LEKR1: variants seen among roughly 807,000 people sequenced by gnomAD.
LEKR1 encodes leucine, glutamate and lysine rich 1, also known as protein LEKR1.
In LEKR1, 59 loss-of-function variants were observed where a neutral mutation model predicts 72.4. The observed-to-expected ratio is 0.82, with a 90% CI of 0.66 to 1.01. The LOEUF is 1.01. Among genes scored for constraint, LEKR1 ranks in the 50% least tolerant of loss-of-function variants. The pLI, the probability that LEKR1 is intolerant of heterozygous loss-of-function variation, is 0.00. For missense variants in LEKR1, 728 were observed against 759.2 expected (o/e 0.96, Z 0.48); for synonymous variants, 257 against 263.2 (o/e 0.98, Z 0.23).
At chr3:157,001,178 G>A (rs77675180) in intron 9 of LEKR1, among the ~76,000 whole-genome samples, 7,812 of 152,212 alleles carry the variant, frequency 0.051, 231 homozygotes, top group African/African-American at 0.075. Context: ...TAATCTGTTA[G>A]TTTAAAGCAT....
rs188959703 is a variant in LEKR1, at chr3:157,019,036, T to C, written c.1204-5724T>C. On this transcript the variant is annotated intron_variant, in intron 10 of 12. Coordinates refer to ENST00000356539, the MANE Select transcript of LEKR1 (RefSeq NM_001004316.3). ...TTCAGTAGCTATTTCAGAAATAATC[T>C]AAAGTACTGTAATAATTTGCAATCA... Among the ~76,000 whole-genome samples the C allele has an allele frequency of 3.3e-4, 50 of 152,346 alleles. 1 individual carries two copies. Among genetic ancestry groups the C allele is most frequent in the African/African-American group, 1.2e-3 (48 of 41,598 alleles).
intron 3 of LEKR1, among the ~76,000 whole-genome samples, chr3:156,914,565 G>A (rs939190695): frequency 6.6e-6 from 1 of 152,080 alleles, no homozygotes; most frequent in Non-Finnish European, 1.5e-5. Flanking sequence ...GTTTATCATT[G>A]ATGGGCATTT....
chr3:156,980,769 A>T (rs2108000095), intron 7 of LEKR1, among the ~76,000 whole-genome samples: 1 of 152,330 alleles, frequency 6.6e-6, no homozygotes, highest in African/African-American at 2.4e-5. Context: ...TGGGCATACC[A>T]AGACTTAGCA....
chr3:156,904,975 A>G (rs1383259299), intron 3 of LEKR1, among the ~76,000 whole-genome samples: 3 of 152,194 alleles, frequency 2.0e-5, no homozygotes, highest in African/African-American at 7.2e-5. Flanking sequence ...CAAAGACCAA[A>G]TAGAGCTCAA....
At chr3:156,940,745 G>A (rs766638308) in intron 5 of LEKR1, among the ~76,000 whole-genome samples, 2 of 152,038 alleles carry the variant, frequency 1.3e-5, no homozygotes, top group African/African-American at 2.4e-5. Context: ...AATTTGTATT[G>A]CAGATTTTTA....
At chr3:156,843,226 A>C (rs1714159730) in intron 2 of LEKR1, among the ~76,000 whole-genome samples, 1 of 152,194 alleles carries the variant, frequency 6.6e-6, no homozygotes, top group African/African-American at 2.4e-5. Context: ...TCTTCCCCTC[A>C]TGAATGTCAA....
At chr3:156,831,617 G>T (rs1712413851) in intron 2 of LEKR1, among the ~76,000 whole-genome samples, 1 of 152,272 alleles carries the variant, frequency 6.6e-6, no homozygotes, top group South Asian at 2.1e-4. Flanking sequence ...AAGAACAAGG[G>T]ATGTCTTACA....
chr3:156,904,899 A>T (rs1722389787), intron 3 of LEKR1, among the ~76,000 whole-genome samples: 1 of 152,102 alleles, frequency 6.6e-6, no homozygotes, highest in African/African-American at 2.4e-5. Flanking sequence ...ATATTCAGTC[A>T]AAGGAAGATC....
chr3:156,829,882 C>G (rs565181335), intron 2 of LEKR1, among the ~76,000 whole-genome samples: 3 of 151,990 alleles, frequency 2.0e-5, no homozygotes, highest in African/African-American at 7.2e-5. Context: ...AACTCACAGG[C>G]GAACCAAGTA....
chr3:156,951,935 T>C (rs1448289571), intron 6 of LEKR1, among the ~76,000 whole-genome samples: 1 of 151,514 alleles, frequency 6.6e-6, no homozygotes, highest in Non-Finnish European at 1.5e-5. Flanking sequence ...AATTGTGAGA[T>C]TCTAATGCTT....
chr3:157,039,040 G>T (rs1321383708), intron 12 of LEKR1, among the ~76,000 whole-genome samples: 1 of 151,984 alleles, frequency 6.6e-6, no homozygotes. Flanking sequence ...ATTGTTTATT[G>T]CCCAACAATC....
At position 156,979,282 on chromosome 3, in the gene LEKR1, T is replaced by G. The variant is rs1358069846; in HGVS notation, c.827+7T>G. 4 of 1,243,856 alleles carry G rather than the reference T, an allele frequency of 3.2e-6. No individual in the cohort carries two copies. The Admixed American group carries it at 9.2e-5, about 29-fold the overall frequency. 77.1% of individuals were successfully genotyped at this position (1,243,856 alleles called of 1,614,324 possible). A position where few individuals can be genotyped will look rare whatever the true frequency, so the allele number is the denominator to read the frequency against. On this transcript the variant is annotated splice_region_variant and intron_variant, in intron 7 of 12. Coordinates refer to ENST00000356539, the MANE Select transcript of LEKR1 (RefSeq NM_001004316.3). ...ACTATAAAGAAATGCTTATGTAAGA[T>G]GGAGAATATTAAACAACTTATAACA...
chr3:156,947,293 G>T (rs926431205), intron 6 of LEKR1, among the ~76,000 whole-genome samples: 1 of 150,870 alleles, frequency 6.6e-6, no homozygotes, highest in Non-Finnish European at 1.5e-5. Context: ...TTGCTATGTT[G>T]GTGCAAGATA....
At chr3:157,022,498 G>C (rs954563876) in intron 10 of LEKR1, among the ~76,000 whole-genome samples, 2 of 152,084 alleles carry the variant, frequency 1.3e-5, no homozygotes, top group African/African-American at 4.8e-5. Flanking sequence ...AAATGAATAG[G>C]ATTTTGTGTT....
Position 156,881,150 on chromosome 3 carries a change from G to C in LEKR1, c.263+28168G>C, listed in dbSNP as rs576915140. ...ACATAGTGTTGGAAGTTCTAGCCAG[G>C]GCAATTAGGCAGGAGAAGGAAATAA... On this transcript the variant is annotated intron_variant, in intron 3 of 12. Transcript: ENST00000356539. 2.0e-5 allele frequency among the ~76,000 whole-genome samples: 3 copies of C among 152,208 alleles called. No homozygotes were observed. The East Asian group carries it at 5.8e-4, about 29-fold the overall frequency.
In LEKR1 at chr3:156,992,700, T is replaced by C. The variant is rs974663117; in HGVS notation, c.875T>C (p.Leu292Pro). 8.6e-6 allele frequency: 9 copies of C among 1,046,080 alleles called. No individual in the cohort carries two copies. The highest frequency in any genetic ancestry group is 1.1e-5 in the Non-Finnish European group (9 of 830,068). The allele number at this position is 1,046,080 out of a possible 1,614,324, so 64.8% of individuals were successfully genotyped here. A position where few individuals can be genotyped will look rare whatever the true frequency, so the allele number is the denominator to read the frequency against. ...ADDCQRELKK[L>P]KFESIISESQ... The stretch of plus-strand genomic sequence containing the variant: ...GACTGTCAAAGAGAACTTAAAAAAC[T>C]GAAGTTTGAATCCATTATTTCTGAG... The change falls in exon 8 of 13, where the codon CTG (leucine) becomes CCG (proline). Residue 292 changes from leucine to proline, a missense_variant. By Grantham distance (98) the Leu-to-Pro change is moderately conservative. Coordinates refer to ENST00000356539, the MANE Select transcript of LEKR1 (RefSeq NM_001004316.3).
At chr3:156,896,390 G>A (rs564030114) in intron 3 of LEKR1, among the ~76,000 whole-genome samples, 2 of 152,144 alleles carry the variant, frequency 1.3e-5, no homozygotes, top group African/African-American at 4.8e-5. Flanking sequence ...ATGGGCAAAC[G>A]ACATTAACAG....
chr3:156,836,853 C>T (rs1287332899), intron 2 of LEKR1, among the ~76,000 whole-genome samples: 1 of 152,148 alleles, frequency 6.6e-6, no homozygotes, highest in East Asian at 1.9e-4. Flanking sequence ...ATTCCCAAAG[C>T]CAGCAATTGA....
intron 2 of LEKR1, among the ~76,000 whole-genome samples, chr3:156,843,575 C>A (rs1714209463): frequency 6.6e-6 from 1 of 152,150 alleles, no homozygotes; most frequent in Non-Finnish European, 1.5e-5. Flanking sequence ...TCCCTTTCCC[C>A]AGCAGTAACA....
Sources: gnomAD v4.1 joint callset for allele counts (sites outside exome capture counted in the v4.1 genomes callset) on GRCh38, gnomAD v4.1.1 for gene constraint, MANE v1.5 for transcripts, NCBI Gene and HGNC (gene_info 2026-07-23, HGNC 2026-07-21) for gene names.